The following CTTNBP2 variants were observed in gnomAD, a reference collection of about 807,000 sequenced individuals.
The protein encoded by CTTNBP2 is cortactin binding protein 2.
Under a neutral mutation model 156.9 loss-of-function variants are expected in CTTNBP2, and 108 were observed. The ratio of observed to expected loss-of-function variants is 0.69; its 90% CI spans 0.59 to 0.81. The LOEUF (loss-of-function observed/expected upper bound fraction) is 0.81, where lower values mean the gene tolerates loss of function less well. Among genes scored for constraint, CTTNBP2 ranks in the 30% least tolerant of loss-of-function variants. The pLI, the probability that CTTNBP2 is intolerant of heterozygous loss-of-function variation, is 0.00. For missense variants in CTTNBP2, 1,924 were observed against 2,035.4 expected, an observed-to-expected ratio of 0.95 and a Z score of 1.05; for synonymous variants, 767 against 751.8, an observed-to-expected ratio of 1.02 and a Z score of -0.33.
chr7:117,720,284 T>C (rs1794710045), intron 20 of CTTNBP2, among the ~76,000 whole-genome samples: 1 of 152,234 alleles, frequency 6.6e-6, no homozygotes, highest in South Asian at 2.1e-4. Flanking sequence ...TTTATTGGGC[T>C]ATCATGGGGA....
At chr7:117,763,555 C>CTTTTT (rs767309488) in intron 9 of CTTNBP2, among the ~76,000 whole-genome samples, 19 of 103,456 alleles carry the variant, frequency 1.8e-4, no homozygotes, top group East Asian at 7.8e-4. Flanking sequence ...TCTTCTTCTT[C>CTTTTT]TTTTTTTTTT....
At chr7:117,787,885 T>C (rs1299189119) in intron 4 of CTTNBP2, among the ~76,000 whole-genome samples, 1 of 152,194 alleles carries the variant, frequency 6.6e-6, no homozygotes, top group Non-Finnish European at 1.5e-5. Context: ...GGAAAGATCA[T>C]GGGCCAGTAG....
At chr7:117,849,745 C>A (rs1370430274) in intron 2 of CTTNBP2, among the ~76,000 whole-genome samples, 1 of 152,130 alleles carries the variant, frequency 6.6e-6, no homozygotes, top group Non-Finnish European at 1.5e-5. Flanking sequence ...CCACCTCTTC[C>A]CAGAAGCCGT....
chr7:117,771,448 G>A (rs1035927732), intron 8 of CTTNBP2, among the ~76,000 whole-genome samples: 1 of 152,212 alleles, frequency 6.6e-6, no homozygotes, highest in Admixed American at 6.5e-5. Context: ...TGAGCAAGAA[G>A]GTAGAGTTAG....
intron 20 of CTTNBP2, 67 bp from the exon 21 acceptor site, chr7:117,719,703 T>G: frequency 1.4e-6 from 2 of 1,384,674 alleles, no homozygotes; most frequent in Non-Finnish European, 2.0e-6. Context: ...ATCTAGACAC[T>G]GTACCTTTTT....
In CTTNBP2 at chr7:117,735,016, T is replaced by TC. The variant is rs769392706; in HGVS notation, c.3772dup (p.Asp1258GlyfsTer35). On this transcript the variant is annotated frameshift_variant, in exon 16 of 23. Transcript: ENST00000160373. LOFTEE classifies it high-confidence loss of function. ...GCGGAAATGCTGCTGCACCAGCAAG[T>TC]CGGAGCCCTGGAGACAGGCCTTGGC... 8 of 1,614,084 alleles carry TC rather than the reference T, an allele frequency of 5.0e-6. No homozygotes were observed. The highest frequency in any genetic ancestry group is 6.8e-6 in the Non-Finnish European group (8 of 1,180,034).
Position 117,718,130 on chromosome 7 carries a change from C to T in CTTNBP2, c.4645-11G>A, listed in dbSNP as rs777145688. The T allele has an allele frequency of 6.4e-7, 1 of 1,572,154 alleles. No individual in the cohort carries two copies. The highest frequency in any genetic ancestry group is 2.2e-5 in the East Asian group (1 of 44,598). ...CCTGGAATCAGCAATCTAGAAAATA[C>T]AGAATTTGCCCGGTCATGTCTCCAC... On this transcript the variant is annotated splice_polypyrimidine_tract_variant and intron_variant, in intron 21 of 22. Coordinates refer to ENST00000160373, the MANE Select transcript of CTTNBP2 (RefSeq NM_033427.3).
chr7:117,818,523 G>T (rs996503399), intron 2 of CTTNBP2, among the ~76,000 whole-genome samples: 1 of 152,124 alleles, frequency 6.6e-6, no homozygotes, highest in Non-Finnish European at 1.5e-5. Flanking sequence ...ACACTTAGGG[G>T]TGTCAATTAA....
chr7:117,855,824 T>C (rs1280496370), intron 2 of CTTNBP2, among the ~76,000 whole-genome samples: 3 of 152,238 alleles, frequency 2.0e-5, no homozygotes, highest in Non-Finnish European at 4.4e-5. Context: ...GATGGCACTA[T>C]ACAGAACAAT....
At chr7:117,735,930 T>C (rs1365206163) in intron 14 of CTTNBP2, among the ~76,000 whole-genome samples, 1 of 152,166 alleles carries the variant, frequency 6.6e-6, no homozygotes, top group East Asian at 1.9e-4. Flanking sequence ...AGTGGTTACT[T>C]CCAAAGGGAA....
At chr7:117,811,406 TC>T (rs1037680414) in intron 2 of CTTNBP2, among the ~76,000 whole-genome samples, 4 of 151,098 alleles carry the variant, frequency 2.6e-5, no homozygotes, top group South Asian at 2.1e-4. Flanking sequence ...GCTCAAACAA[TC>T]CTCCTGCCTC....
intron 12 of CTTNBP2, among the ~76,000 whole-genome samples, chr7:117,750,231 T>C (rs1796549241): frequency 6.6e-6 from 1 of 152,228 alleles, no homozygotes; most frequent in South Asian, 2.1e-4. Flanking sequence ...TTAAGATTGA[T>C]TTTGAAATCA....
At chr7:117,848,877 T>A (rs1802763949) in intron 2 of CTTNBP2, among the ~76,000 whole-genome samples, 1 of 152,240 alleles carries the variant, frequency 6.6e-6, no homozygotes, top group African/African-American at 2.4e-5. Flanking sequence ...CCATTAGAGG[T>A]GTACGTGAAT....
At position 117,853,955 on chromosome 7, in the gene CTTNBP2, G is replaced by GT. The variant is rs534296501; in HGVS notation, c.189+7253dup. Among the ~76,000 whole-genome samples the GT allele has an allele frequency of 1.5e-3, 231 of 152,178 alleles. 4 individuals carry two copies. Among genetic ancestry groups the GT allele is most frequent in the African/African-American group, 5.4e-3 (226 of 41,548 alleles). ...TTGCATGGTATTCTATTTTTTGTTT[G>GT]TTTTTTACTAATGGTAAATGTTTAT... On this transcript the variant is annotated intron_variant, in intron 2 of 22. Coordinates refer to ENST00000160373, the MANE Select transcript of CTTNBP2 (RefSeq NM_033427.3).
At chr7:117,816,099 A>G (rs1005349592) in intron 2 of CTTNBP2, among the ~76,000 whole-genome samples, 3 of 152,222 alleles carry the variant, frequency 2.0e-5, no homozygotes, top group Admixed American at 2.0e-4. Flanking sequence ...CAATCTTCCC[A>G]GGAACCTGGA....
At chr7:117,830,947 A>C (rs1801566080) in intron 2 of CTTNBP2, among the ~76,000 whole-genome samples, 1 of 152,180 alleles carries the variant, frequency 6.6e-6, no homozygotes, top group African/African-American at 2.4e-5. Flanking sequence ...AAAAAAGATA[A>C]TGTTTTCACA....
intron 12 of CTTNBP2, among the ~76,000 whole-genome samples, chr7:117,752,732 G>A (rs902564359): frequency 2.0e-5 from 3 of 152,170 alleles, no homozygotes; most frequent in Admixed American, 1.3e-4. Flanking sequence ...ATGATTACAT[G>A]CATGAGTAGG....
intron 3 of CTTNBP2, among the ~76,000 whole-genome samples, chr7:117,809,414 C>T (rs1800135463): frequency 6.6e-6 from 1 of 152,138 alleles, no homozygotes; most frequent in Non-Finnish European, 1.5e-5. Context: ...TGACACATTA[C>T]AGGCATAATT....
At chr7:117,738,591 T>C (rs1795832244) in intron 14 of CTTNBP2, among the ~76,000 whole-genome samples, 1 of 152,200 alleles carries the variant, frequency 6.6e-6, no homozygotes, top group Non-Finnish European at 1.5e-5. Context: ...GAGGAAATAC[T>C]GGAGACAACT....
Sources: allele counts gnomAD v4.1 joint callset (sites outside exome capture counted in the v4.1 genomes callset), GRCh38; gene constraint gnomAD v4.1.1; transcripts MANE v1.5; gene names NCBI Gene and HGNC (gene_info 2026-07-23, HGNC 2026-07-21).